Variants in SYN3 observed in about 807,000 individuals in gnomAD.
SYN3 encodes the protein synapsin-3.
In SYN3, 35 loss-of-function variants were observed where a neutral mutation model predicts 65.8. The observed-to-expected ratio is 0.53, with a 90% confidence interval of 0.41 to 0.70. The LOEUF is 0.70. Ranked by LOEUF, SYN3 falls within the 30% of genes least tolerant of loss-of-function variation. SYN3 has a pLI of 0.00. For synonymous variants in SYN3, 270 were observed against 292.9 expected (o/e 0.92, Z 0.80); for missense variants, 680 against 749.0 (o/e 0.91, Z 1.08).
chr22:32,627,399 C>T (rs2059683412), intron 6 of SYN3, among the ~76,000 whole-genome samples: 1 of 152,092 alleles, frequency 6.6e-6, no homozygotes, highest in South Asian at 2.1e-4. Flanking sequence ...GCTCTGCTGT[C>T]CCTCTACACT....
chr22:32,604,870 G>T (rs927025162), intron 6 of SYN3, among the ~76,000 whole-genome samples: 4 of 151,944 alleles, frequency 2.6e-5, no homozygotes, highest in African/African-American at 4.8e-5. Flanking sequence ...GCCGGGCGTG[G>T]TGGCGGGTGC....
intron 6 of SYN3, among the ~76,000 whole-genome samples, chr22:32,677,527 G>A (rs994241608): frequency 2.0e-5 from 3 of 152,092 alleles, no homozygotes; most frequent in Admixed American, 6.5e-5. Flanking sequence ...GACTGGGCGC[G>A]GTGGCTCATG....
intron 1 of SYN3, among the ~76,000 whole-genome samples, chr22:33,017,124 C>A (rs369763162): frequency 6.6e-6 from 1 of 152,154 alleles, no homozygotes; most frequent in African/African-American, 2.4e-5. Flanking sequence ...CCTCTGCCTA[C>A]GGATATCCAA....
rs548546009 is a variant in SYN3, at chr22:32,751,427, C to T, written c.711+113488G>A. Among the ~76,000 whole-genome samples, 90 of 152,254 alleles carry T rather than the reference C, an allele frequency of 5.9e-4. 1 individual carries two copies. The highest frequency in any genetic ancestry group is 4.2e-3 in the South Asian group (20 of 4,806). On this transcript the variant is annotated intron_variant, in intron 6 of 13. Transcript: ENST00000358763. ...GGTGGGGTAGGGAAACAAGGCATGC[C>T]CCTCCAATGTTCCCCTGGGATCTGG...
intron 6 of SYN3, among the ~76,000 whole-genome samples, chr22:32,609,152 G>A (rs1447542003): frequency 2.0e-5 from 3 of 151,920 alleles, no homozygotes; most frequent in South Asian, 2.1e-4. Context: ...GTGAAACCCC[G>A]TCTCTACTAA....
In SYN3 at chr22:32,890,808, TAG is replaced by T. The variant is rs796904690; in HGVS notation, c.462-21685_462-21684del. The stretch of plus-strand genomic sequence containing the variant: ...CATTGATTTATAATAACTATATATA[TAG>T]AGAGAGAGAGAGCTTCCCTTGTGTC... On this transcript the variant is annotated intron_variant, in intron 4 of 13. Transcript: ENST00000358763. Among the ~76,000 whole-genome samples the T allele has an allele frequency of 6.6e-5, 10 of 151,474 alleles. No homozygotes were observed. In the South Asian group the frequency reaches 1.9e-3, roughly 29 times the overall value.
chr22:32,673,874 T>C (rs996148293), intron 6 of SYN3, among the ~76,000 whole-genome samples: 5 of 152,152 alleles, frequency 3.3e-5, no homozygotes, highest in African/African-American at 9.7e-5. Flanking sequence ...CTGAGGAGTA[T>C]AGGCTTTCTC....
At chr22:32,557,086 G>A (rs1385325893) in intron 7 of SYN3, among the ~76,000 whole-genome samples, 1 of 152,122 alleles carries the variant, frequency 6.6e-6, no homozygotes. Flanking sequence ...ATACAAAGGT[G>A]GGTTAGTTAG....
intron 6 of SYN3, among the ~76,000 whole-genome samples, chr22:32,827,986 T>C (rs1159244543): frequency 6.6e-6 from 1 of 152,174 alleles, no homozygotes; most frequent in African/African-American, 2.4e-5. Context: ...TCCTTGTCTA[T>C]TCCCCTTTGC....
chr22:32,518,115 G>A lies in SYN3; in HGVS notation c.1538C>T (p.Pro513Leu). The A allele has an allele frequency of 6.3e-7, 1 of 1,592,334 alleles. No individual in the cohort carries two copies. The highest frequency in any genetic ancestry group is 1.1e-5 in the South Asian group (1 of 86,998). ...CTGGGAGGTACTACGGCCCTGCACAGGGGGCCGGGGCTGTGAGGCGAGGGT... is the reference window on the plus strand; with the variant it reads ...CTGGGAGGTACTACGGCCCTGCACAAGGGGCCGGGGCTGTGAGGCGAGGGT... ...GATLASQPRPPVQGRSTSQQG... is the reference protein window; with the variant it reads ...GATLASQPRPLVQGRSTSQQG... The change falls in exon 13 of 14, where the codon CCT becomes CTT. Residue 513 changes from proline (P) to leucine (L), a missense_variant. Pro to Leu is a moderately conservative substitution (Grantham distance 98). Coordinates refer to ENST00000358763, the MANE Select transcript of SYN3 (RefSeq NM_003490.4).
intron 7 of SYN3, among the ~76,000 whole-genome samples, chr22:32,586,618 C>T (rs768904393): frequency 2.6e-5 from 4 of 152,112 alleles, no homozygotes; most frequent in Non-Finnish European, 4.4e-5. Flanking sequence ...CACTTGTTTA[C>T]GGTTTGAGAG....
chr22:32,979,033 T>A (rs1299140234), intron 3 of SYN3, among the ~76,000 whole-genome samples: 7 of 149,686 alleles, frequency 4.7e-5, no homozygotes, highest in African/African-American at 1.5e-4. Context: ...AGAAAAAAAA[T>A]AAAAAATAAA....
chr22:32,562,082 A>G (rs939144791), intron 7 of SYN3, among the ~76,000 whole-genome samples: 13 of 152,220 alleles, frequency 8.5e-5, no homozygotes, highest in Admixed American at 2.0e-4. Context: ...CCGAGATCCA[A>G]TGATTCTGTT....
intron 1 of SYN3, among the ~76,000 whole-genome samples, chr22:33,041,910 T>G (rs1181590118): frequency 1.3e-5 from 2 of 152,188 alleles, no homozygotes; most frequent in East Asian, 3.8e-4. Flanking sequence ...GCTGTACTCC[T>G]GCATTACCTG....
rs138448625 is a variant in SYN3, at chr22:32,702,604, A to T, written c.712-105868T>A. On this transcript the variant is annotated intron_variant, in intron 6 of 13. Transcript: ENST00000358763. ...TTTTCGTGTTACAAAAGATCTTCTG[A>T]TATCCACTTAACATATGTTAACCTT... 1.5e-3 allele frequency among the ~76,000 whole-genome samples: 235 copies of T among 152,354 alleles called. 1 individual carries two copies. Among genetic ancestry groups the T allele is most frequent in the African/African-American group, 5.4e-3 (225 of 41,584 alleles).
intron 6 of SYN3, among the ~76,000 whole-genome samples, chr22:32,782,655 C>T (rs1323945867): frequency 6.6e-6 from 1 of 151,862 alleles, no homozygotes; most frequent in Non-Finnish European, 1.5e-5. Context: ...GTAGCTGGGA[C>T]CACAGGCGCA....
intron 6 of SYN3, among the ~76,000 whole-genome samples, chr22:32,825,463 A>G (rs549811629): frequency 3.9e-5 from 6 of 152,082 alleles, no homozygotes; most frequent in Admixed American, 1.3e-4. Context: ...GCTCAAGACC[A>G]GTCTGGCCAA....
At position 32,525,605 on chromosome 22, in the gene SYN3, G is replaced by C. The variant is rs540360213; in HGVS notation, c.1318+2313C>G. On this transcript the variant is annotated intron_variant, in intron 12 of 13. Transcript: ENST00000358763. ...GGCACCTGTAGTCCCAGCTACTCGG[G>C]AGGCTGAGGCAGGAGAATGGCATGA... Among the ~76,000 whole-genome samples the C allele has an allele frequency of 3.3e-5, 5 of 152,020 alleles. No individual in the cohort carries two copies. The South Asian group carries it at 1.0e-3, about 32-fold the overall frequency.
intron 4 of SYN3, among the ~76,000 whole-genome samples, chr22:32,910,358 C>G (rs772445062): frequency 6.6e-6 from 1 of 151,984 alleles, no homozygotes; most frequent in Non-Finnish European, 1.5e-5. Flanking sequence ...CCCCGTACCC[C>G]CAAAAAGCTC....
Sources: allele counts gnomAD v4.1 joint callset (sites outside exome capture counted in the v4.1 genomes callset), GRCh38; gene constraint gnomAD v4.1.1; transcripts MANE v1.5; gene names NCBI Gene and HGNC (gene_info 2026-07-23, HGNC 2026-07-21).